The following TF variants were observed in gnomAD, a reference collection of about 807,000 sequenced individuals.
The protein encoded by TF is transferrin, also known as serotransferrin.
In TF, 55 loss-of-function variants were observed where a neutral mutation model predicts 82.4. That is an observed-to-expected ratio of 0.67 (90% CI 0.54 to 0.84). TF has a LOEUF of 0.84. Among genes scored for constraint, TF ranks in the 40% least tolerant of loss-of-function variants. TF has a pLI of 0.00. For missense variants in TF, 737 were observed against 868.4 expected (o/e 0.85, Z 1.90); for synonymous variants, 332 against 332.6 (o/e 1.00, Z 0.02).
chr3:133,736,557 C>A, the TF span, among the ~76,000 whole-genome samples: 1 of 141,960 alleles, frequency 7.0e-6, no homozygotes, highest in Non-Finnish European at 1.5e-5. Flanking sequence ...TTCAGGAGAC[C>A]CATCTCACGT....
the TF span, among the ~76,000 whole-genome samples, chr3:133,715,750 C>T: frequency 1.3e-5 from 2 of 152,144 alleles, no homozygotes; most frequent in Non-Finnish European, 2.9e-5. Flanking sequence ...TTTCAATGAT[C>T]TACAGAAAAT....
At chr3:133,726,353 C>A in the TF span, among the ~76,000 whole-genome samples, 1 of 152,220 alleles carries the variant, frequency 6.6e-6, no homozygotes, top group South Asian at 2.1e-4. Context: ...TTGGTCTATT[C>A]AGAGATTCAA....
chr3:133,673,517 A>G, the TF span, among the ~76,000 whole-genome samples: 2 of 152,260 alleles, frequency 1.3e-5, no homozygotes, highest in Non-Finnish European at 2.9e-5. Flanking sequence ...TAGAATGTGC[A>G]ACGCTGATAA....
At chr3:133,740,697 TTTGA>T in the TF span, among the ~76,000 whole-genome samples, 11 of 152,276 alleles carry the variant, frequency 7.2e-5, no homozygotes, top group African/African-American at 1.9e-4. Context: ...ACATTTGGAA[TTTGA>T]TTGGGAGTAC....
the TF span, among the ~76,000 whole-genome samples, chr3:133,683,248 C>A: frequency 6.6e-6 from 1 of 152,196 alleles, no homozygotes; most frequent in Non-Finnish European, 1.5e-5. Flanking sequence ...ACTGCAAAAA[C>A]ATGCCAAATT....
At chr3:133,663,898 C>G in the TF span, among the ~76,000 whole-genome samples, 1 of 152,296 alleles carries the variant, frequency 6.6e-6, no homozygotes, top group South Asian at 2.1e-4. Flanking sequence ...GAACTTGATA[C>G]CAGAGGAGTG....
the TF span, among the ~76,000 whole-genome samples, chr3:133,696,205 G>A: frequency 4.6e-5 from 7 of 151,904 alleles, no homozygotes; most frequent in East Asian, 1.9e-4. Flanking sequence ...CAGGAGAATC[G>A]CTTAAGCCTC....
At chr3:133,704,250 G>T in the TF span, 2 of 227,374 alleles carry the variant, frequency 8.8e-6, no homozygotes, top group Non-Finnish European at 2.0e-5. Context: ...CCATGAGCTT[G>T]GATGCAGGAT....
chr3:133,754,898 G>C (rs8177222), intron 4 of TF, among the ~76,000 whole-genome samples: 15,179 of 152,300 alleles, frequency 0.1, 803 homozygotes, highest in Non-Finnish European at 0.11. Flanking sequence ...AGGCTGTTCT[G>C]ATGAGTGAGG....
chr3:133,774,355 A>T (rs915220807), intron 14 of TF: 1 of 152,348 alleles, frequency 6.6e-6, no homozygotes, highest in Admixed American at 6.5e-5. Flanking sequence ...GCCTATTAAA[A>T]GAGGAATGGT....
chr3:133,761,391 G>C (rs1344351155), intron 9 of TF: 1 of 152,206 alleles, frequency 6.6e-6, no homozygotes, highest in Admixed American at 6.5e-5. Context: ...TGCCCACTGT[G>C]GCATGCAGCT....
rs1934975398 is a variant in TF at position 133,796,479 on chromosome 3, G to C, written c.*17859G>C. On this transcript the variant is annotated 3_prime_UTR_variant, in exon 17 of 17. Coordinates refer to ENST00000402696, the MANE Select transcript of TF (RefSeq NM_001063.4). ...TCAGCTATGATGGGAAATGTCTTCT[G>C]TATTTACATAGGGCATACACTGAGT... is the stretch of plus-strand genomic sequence containing the variant. 6.6e-6 allele frequency: 1 copy of C among 152,268 alleles called. No individual in the cohort carries two copies. The highest frequency in any genetic ancestry group is 2.4e-5 in the African/African-American group (1 of 41,460). The allele number at this position is 152,268 out of a possible 1,614,324, so 9.4% of individuals were successfully genotyped here.
intron 1 of TF, among the ~76,000 whole-genome samples, chr3:133,747,976 C>G (rs1461842136): frequency 6.6e-6 from 1 of 151,944 alleles, no homozygotes; most frequent in African/African-American, 2.4e-5. Context: ...ACTCCCTCTT[C>G]TCAAAAAGAT....
chr3:133,744,584 T>C (rs559072192), upstream of TF, among the ~76,000 whole-genome samples: 11 of 152,362 alleles, frequency 7.2e-5, no homozygotes, highest in Admixed American at 7.2e-4. Flanking sequence ...AACAGTCTTC[T>C]TTCCCTATGG....
At chr3:133,688,412 C>T in the TF span, 49 of 152,330 alleles carry the variant, frequency 3.2e-4, no homozygotes, top group African/African-American at 9.4e-4. Context: ...CCTATACTTT[C>T]GTTTTGTTTT....
In TF at chr3:133,792,552, A is replaced by C. The variant is rs1313334453; in HGVS notation, c.*13932A>C. 2 of 152,188 alleles carry C rather than the reference A, an allele frequency of 1.3e-5. No individual in the cohort carries two copies. Among genetic ancestry groups the C allele is most frequent in the Non-Finnish European group, 2.9e-5 (2 of 68,042 alleles). 9.4% of individuals were successfully genotyped at this position (152,188 alleles called of 1,614,324 possible). On this transcript the variant is annotated 3_prime_UTR_variant, in exon 17 of 17. Transcript: ENST00000402696. The stretch of plus-strand genomic sequence containing the variant: ...GTCCTAGACTCCACAACTAATATAT[A>C]ATTAAAATCCTTAACTTACCAAAGT...
chr3:133,763,986 G>C (rs1157121987), intron 9 of TF, among the ~76,000 whole-genome samples, 196 bp from the exon 10 acceptor site: 3 of 152,230 alleles, frequency 2.0e-5, no homozygotes, highest in Non-Finnish European at 4.4e-5. Context: ...GTTCATGATG[G>C]TTGGGTGAAA....
At chr3:133,775,716 C>T (rs1362321419) in intron 15 of TF, 99 bp downstream of exon 15, 4 of 1,264,840 alleles carry the variant, frequency 3.2e-6, no homozygotes, top group Non-Finnish European at 4.6e-6. Context: ...CCAGCACTTT[C>T]TTTTTGAAAA....
At chr3:133,693,187 A>AT in the TF span, among the ~76,000 whole-genome samples, 476 of 152,320 alleles carry the variant, frequency 3.1e-3, 3 homozygotes, top group South Asian at 9.3e-3. Flanking sequence ...TTGGCTTGAC[A>AT]AGGGCCATCA....
Sources: gnomAD v4.1 joint callset for allele counts (sites outside exome capture counted in the v4.1 genomes callset) on GRCh38, gnomAD v4.1.1 for gene constraint, MANE v1.5 for transcripts, NCBI Gene and HGNC (gene_info 2026-07-23, HGNC 2026-07-21) for gene names.